Variants in RASAL2 observed in about 807,000 individuals in gnomAD.
RASAL2 encodes the protein RAS protein activator like 2, also known as ras GTPase-activating protein nGAP.
Under a neutral mutation model 128.9 loss-of-function variants are expected in RASAL2, and 58 were observed. The ratio of observed to expected loss-of-function variants is 0.45; its 90% confidence interval spans 0.36 to 0.56. RASAL2 has a LOEUF of 0.56. RASAL2 is among the 20% of genes least tolerant of loss of function. The pLI, the probability that RASAL2 is intolerant of heterozygous loss-of-function variation, is 0.00. For synonymous variants in RASAL2, 561 were observed against 580.8 expected, an observed-to-expected ratio of 0.97 and a Z score of 0.49; for missense variants, 1,360 against 1,601.6, an observed-to-expected ratio of 0.85 and a Z score of 2.57.
chr1:178,343,884 G>C (rs1048331031), intron 3 of RASAL2, among the ~76,000 whole-genome samples: 2 of 151,840 alleles, frequency 1.3e-5, no homozygotes, highest in Non-Finnish European at 2.9e-5. Context: ...AATACATGTA[G>C]ATAGTTGTGG....
At chr1:178,376,043 G>A (rs188655916) in intron 3 of RASAL2, among the ~76,000 whole-genome samples, 4 of 152,188 alleles carry the variant, frequency 2.6e-5, no homozygotes, top group Non-Finnish European at 5.9e-5. Flanking sequence ...TCAACATTTG[G>A]GGGTGGGTGG....
chr1:178,456,402 C>T, intron 12 of RASAL2: 1 of 393,464 alleles, frequency 2.5e-6, no homozygotes, highest in East Asian at 4.7e-5. Flanking sequence ...GTTTGCTTCG[C>T]ATGCCTATTT....
chr1:178,472,933 A>C, intron 17 of RASAL2, 142 bp from the exon 18 acceptor site: 1 of 919,588 alleles, frequency 1.1e-6, no homozygotes. Context: ...CAGTGTGCAG[A>C]AAGAGGCAGA....
At chr1:178,230,336 G>A (rs1663952332) in intron 1 of RASAL2, among the ~76,000 whole-genome samples, 1 of 152,130 alleles carries the variant, frequency 6.6e-6, no homozygotes, top group South Asian at 2.1e-4. Context: ...GGTTCATAGG[G>A]CAGATGTATG....
chr1:178,138,500 A>G (rs1316300594), intron 1 of RASAL2, among the ~76,000 whole-genome samples: 1 of 152,216 alleles, frequency 6.6e-6, no homozygotes, highest in African/African-American at 2.4e-5. Context: ...GTCTCTCTTC[A>G]TAACAGAGAG....
intron 11 of RASAL2, 71 bp from the exon 12 acceptor site, chr1:178,454,376 G>A (rs1558003089): frequency 7.7e-7 from 1 of 1,293,054 alleles, no homozygotes; most frequent in African/African-American, 1.5e-5. Context: ...ATAGTTCTGT[G>A]TAATGTCAAA....
At chr1:178,426,633 A>G (rs879577440) in intron 5 of RASAL2, among the ~76,000 whole-genome samples, 1 of 152,158 alleles carries the variant, frequency 6.6e-6, no homozygotes, top group Non-Finnish European at 1.5e-5. Flanking sequence ...TTTTCTAGAA[A>G]GAAAAAATAG....
rs1027069258 is a variant in RASAL2 at position 178,327,420 on chromosome 1, A to G, written c.457+27302A>G. The stretch of plus-strand genomic sequence containing the variant: ...GAGTGCAGTGGCATGATCTTGGCTC[A>G]CTGCAGCCTCAACCTCTTGAGTTCA... On this transcript the variant is annotated intron_variant, in intron 3 of 17. Transcript: ENST00000367649. 2.6e-5 allele frequency among the ~76,000 whole-genome samples: 4 copies of G among 152,090 alleles called. No homozygotes were observed. The South Asian group carries it at 8.3e-4, about 32-fold the overall frequency.
rs758952595 is a variant in RASAL2 at position 178,457,649 on chromosome 1, CAA to C, written c.2391-33_2391-32del. 1.1e-5 allele frequency: 18 copies of C among 1,591,336 alleles called. 1 individual carries two copies. The highest frequency in any genetic ancestry group is 1.7e-4 in the Middle Eastern group (1 of 5,946). ...CATCTTAGCCATGTTGAAGTTGTCT[CAA>C]GAGAAATTAAGTGTCCTTTCCTTTT... On this transcript the variant is annotated intron_variant, in intron 13 of 17. Coordinates refer to ENST00000367649, the MANE Select transcript of RASAL2 (RefSeq NM_170692.4).
At chr1:178,134,288 C>G (rs1166706810) in intron 1 of RASAL2, among the ~76,000 whole-genome samples, 1 of 151,780 alleles carries the variant, frequency 6.6e-6, no homozygotes, top group Non-Finnish European at 1.5e-5. Flanking sequence ...TCATGTGGAC[C>G]TCTCTGTAGA....
intron 1 of RASAL2, among the ~76,000 whole-genome samples, chr1:178,228,942 GGTT>G: frequency 6.6e-6 from 1 of 152,240 alleles, no homozygotes; most frequent in Admixed American, 6.5e-5. Context: ...CAAAGGAAGA[GGTT>G]GTAAAATTTA....
Position 178,441,563 on chromosome 1 carries a change from T to G in RASAL2, c.843T>G (p.Ser281Arg), listed in dbSNP as rs748086318. 9 of 1,612,120 alleles carry G rather than the reference T, an allele frequency of 5.6e-6. No individual in the cohort carries two copies. The highest frequency in any genetic ancestry group is 7.6e-6 in the Non-Finnish European group (9 of 1,178,822). Reference sequence around the variant, plus strand: ...TTATGTTGAAGGTTACCTACTTAAGTGGAAGTAAATGCTTCAGCTGTAATT... The same window carrying G: ...TTATGTTGAAGGTTACCTACTTAAGGGGAAGTAAATGCTTCAGCTGTAATT... The part of the protein sequence containing the change: ...QDFCFEVTYL[S>R]GSKCFSCNSA... Residue 281 changes from serine to arginine, a missense_variant, in exon 7 of 18, where the codon AGT becomes AGG. This residue lies in a region of RASAL2 where 617 missense variants were observed against 714.2 expected (regional missense o/e 0.86). Coordinates refer to ENST00000367649, the MANE Select transcript of RASAL2 (RefSeq NM_170692.4).
rs1050613020 is a variant in RASAL2 at position 178,094,191 on chromosome 1, C to A, written c.-302C>A. ...GAGGGCGAGCCTCCCCTCCCGGGTT[C>A]TTCTGCGTCCTCTCCCGGGAGGGAC... On this transcript the variant is annotated 5_prime_UTR_variant, in exon 1 of 18. Coordinates refer to ENST00000367649, the MANE Select transcript of RASAL2 (RefSeq NM_170692.4). The A allele has an allele frequency of 1.2e-5, 5 of 411,498 alleles. No individual in the cohort carries two copies. Among genetic ancestry groups the A allele is most frequent in the Non-Finnish European group, 2.2e-5 (5 of 232,088 alleles). 25.5% of individuals were successfully genotyped at this position (411,498 alleles called of 1,614,324 possible).
intron 1 of RASAL2, among the ~76,000 whole-genome samples, chr1:178,247,965 T>G (rs1664852328): frequency 6.6e-6 from 1 of 152,208 alleles, no homozygotes; most frequent in African/African-American, 2.4e-5. Context: ...CTTTTGCATT[T>G]ACTGAGGAGT....
intron 1 of RASAL2, among the ~76,000 whole-genome samples, chr1:178,210,724 C>G (rs1341571288): frequency 6.6e-6 from 1 of 152,114 alleles, no homozygotes; most frequent in African/African-American, 2.4e-5. Flanking sequence ...GACATTTGGT[C>G]TGAAAGTTTA....
intron 1 of RASAL2, among the ~76,000 whole-genome samples, chr1:178,113,847 T>C (rs1216540720): frequency 1.3e-5 from 2 of 152,184 alleles, no homozygotes; most frequent in Admixed American, 6.5e-5. Flanking sequence ...GGTTTGTCTT[T>C]GATTTTTTAC....
intron 3 of RASAL2, among the ~76,000 whole-genome samples, chr1:178,371,862 C>A (rs974193555): frequency 2.0e-5 from 3 of 152,076 alleles, no homozygotes; most frequent in African/African-American, 4.8e-5. Context: ...GAACCTGTTT[C>A]TTTTTCTTTG....
chr1:178,257,902 C>G (rs1665457147), intron 1 of RASAL2, among the ~76,000 whole-genome samples: 1 of 149,094 alleles, frequency 6.7e-6, no homozygotes, highest in African/African-American at 2.5e-5. Context: ...CTTGGATTGG[C>G]AAAGTATTTC....
chr1:178,375,611 C>T (rs1487900112), intron 3 of RASAL2, among the ~76,000 whole-genome samples: 1 of 152,190 alleles, frequency 6.6e-6, no homozygotes, highest in Admixed American at 6.5e-5. Context: ...CTTTTCAGCA[C>T]GTGGAATACT....
Sources: allele counts gnomAD v4.1 joint callset (sites outside exome capture counted in the v4.1 genomes callset), GRCh38; gene constraint gnomAD v4.1.1; regional missense constraint gnomAD v4.1.1; transcripts MANE v1.5; gene names NCBI Gene and HGNC (gene_info 2026-07-23, HGNC 2026-07-21).